Variants in PDE7B observed in about 807,000 individuals in gnomAD.
PDE7B encodes the protein phosphodiesterase 7B.
Under a neutral mutation model 56.2 loss-of-function variants are expected in PDE7B, and 29 were observed. That is an observed-to-expected ratio of 0.52 (90% confidence interval 0.38 to 0.70). The LOEUF (loss-of-function observed/expected upper bound fraction) is 0.70. Among genes scored for constraint, PDE7B ranks in the 30% least tolerant of loss-of-function variants. The pLI is 0.00. For missense variants in PDE7B, 490 were observed against 565.0 expected (o/e 0.87, Z 1.35); for synonymous variants, 197 against 196.9 (o/e 1.00, Z 0.00).
chr6:136,100,715 CAG>C (rs1188376423), intron 2 of PDE7B, among the ~76,000 whole-genome samples: 4 of 152,318 alleles, frequency 2.6e-5, no homozygotes, highest in African/African-American at 9.6e-5. Flanking sequence ...CATCTGCAAA[CAG>C]AGACAATTTG....
chr6:136,131,309 A>C (rs918523699), intron 3 of PDE7B, among the ~76,000 whole-genome samples: 1 of 152,086 alleles, frequency 6.6e-6, no homozygotes, highest in African/African-American at 2.4e-5. Context: ...TGTTTTCTAG[A>C]GGGAAGGTAA....
intron 2 of PDE7B, among the ~76,000 whole-genome samples, chr6:136,067,598 ACTT>A (rs1776967381): frequency 2.0e-5 from 3 of 152,192 alleles, no homozygotes; most frequent in African/African-American, 2.4e-5. Context: ...AAAGTGTTTG[ACTT>A]CTTCTTTTTA....
At chr6:136,140,381 G>T (rs1301659917) in intron 3 of PDE7B, among the ~76,000 whole-genome samples, 22 of 152,168 alleles carry the variant, frequency 1.4e-4, no homozygotes, top group Non-Finnish European at 1.5e-5. Context: ...TAGCCTTGCA[G>T]TATAGTTTGA....
At chr6:136,142,780 CTTTT>C (rs1221199936) in intron 3 of PDE7B, among the ~76,000 whole-genome samples, 1 of 151,868 alleles carries the variant, frequency 6.6e-6, no homozygotes, top group Non-Finnish European at 1.5e-5. Context: ...CAACCCCTGC[CTTTT>C]TTTGTTTTCC....
chr6:136,044,584 A>C (rs916228170), intron 2 of PDE7B: 4 of 152,228 alleles, frequency 2.6e-5, no homozygotes, highest in Non-Finnish European at 5.9e-5. Context: ...CTATTAAAAA[A>C]GGTATAAGTG....
chr6:136,113,007 T>C (rs1777772903), intron 3 of PDE7B, among the ~76,000 whole-genome samples: 2 of 152,168 alleles, frequency 1.3e-5, no homozygotes, highest in South Asian at 4.1e-4. Context: ...ACTGCTTATA[T>C]AGGTTTTCCC....
intron 2 of PDE7B, among the ~76,000 whole-genome samples, chr6:136,023,016 T>C (rs1241333026): frequency 6.6e-6 from 1 of 151,998 alleles, no homozygotes. Context: ...ACCAGCTCAC[T>C]CTTCCATTTT....
chr6:136,009,797 C>T (rs1008957542), intron 2 of PDE7B, among the ~76,000 whole-genome samples: 20 of 152,196 alleles, frequency 1.3e-4, no homozygotes, highest in Non-Finnish European at 2.1e-4. Context: ...AATTTGACTT[C>T]TTCTTTTCCT....
intron 1 of PDE7B, among the ~76,000 whole-genome samples, chr6:135,893,112 C>A (rs1775837905): frequency 6.6e-6 from 1 of 151,966 alleles, no homozygotes; most frequent in South Asian, 2.1e-4. Context: ...TACATGTGCA[C>A]AACGTGCAGG....
chr6:135,882,795 C>T lies in PDE7B; in HGVS notation c.21+30776C>T, dbSNP rs112653194. On this transcript the variant is annotated intron_variant, in intron 1 of 12. Transcript: ENST00000308191. Reference sequence around the variant, plus strand: ...TGTTATGCTGAGAATAACAGATTGTCTTCCCCTATTTGAACACTTTCAATG... The same window carrying T: ...TGTTATGCTGAGAATAACAGATTGTTTTCCCCTATTTGAACACTTTCAATG... Among the ~76,000 whole-genome samples, 1,009 of 152,260 alleles carry T rather than the reference C, an allele frequency of 6.6e-3. 9 individuals carry two copies. Among genetic ancestry groups the T allele is most frequent in the African/African-American group, 0.023 (951 of 41,552 alleles).
intron 5 of PDE7B, among the ~76,000 whole-genome samples, chr6:136,150,811 C>T (rs191893496): frequency 2.4e-4 from 36 of 152,092 alleles, no homozygotes; most frequent in African/African-American, 7.0e-4. Context: ...AGGAACATTT[C>T]AAGTGGCCAT....
intron 8 of PDE7B, among the ~76,000 whole-genome samples, chr6:136,158,939 A>G (rs1778659012): frequency 6.6e-6 from 1 of 152,224 alleles, no homozygotes; most frequent in African/African-American, 2.4e-5. Context: ...ATAAATTGTA[A>G]AGGAATAACT....
chr6:135,860,601 G>A (rs536863294), intron 1 of PDE7B, among the ~76,000 whole-genome samples: 1 of 151,940 alleles, frequency 6.6e-6, no homozygotes, highest in Non-Finnish European at 1.5e-5. Context: ...ATCTCTCTAG[G>A]CCTCGCTCTG....
intron 3 of PDE7B, chr6:136,116,947 A>C (rs537696189): frequency 1.3e-5 from 2 of 152,358 alleles, no homozygotes; most frequent in South Asian, 4.1e-4. Context: ...GAGAAACTCT[A>C]AATTTTTCTC....
At chr6:135,914,078 G>A (rs1167086072) in intron 1 of PDE7B, among the ~76,000 whole-genome samples, 2 of 152,180 alleles carry the variant, frequency 1.3e-5, no homozygotes, top group African/African-American at 2.4e-5. Flanking sequence ...CTTATTGTCT[G>A]TGGCTTTAAG....
chr6:135,945,883 A>G (rs1774588676), intron 1 of PDE7B, among the ~76,000 whole-genome samples: 1 of 152,164 alleles, frequency 6.6e-6, no homozygotes, highest in Non-Finnish European at 1.5e-5. Context: ...TTTTATATTC[A>G]GAGTTGTGAA....
intron 2 of PDE7B, among the ~76,000 whole-genome samples, chr6:136,005,443 A>G (rs1275855422): frequency 1.3e-5 from 2 of 152,134 alleles, no homozygotes; most frequent in South Asian, 4.2e-4. Context: ...GAAAATTTTC[A>G]CAACCTACTC....
chr6:136,102,779 T>C (rs1024984570), intron 2 of PDE7B, among the ~76,000 whole-genome samples: 1 of 152,194 alleles, frequency 6.6e-6, no homozygotes, highest in East Asian at 1.9e-4. Context: ...TTGACACTAG[T>C]CTAAAACCTG....
intron 2 of PDE7B, among the ~76,000 whole-genome samples, chr6:136,048,249 C>CGTG (rs1776554878): frequency 6.6e-6 from 1 of 152,012 alleles, no homozygotes; most frequent in South Asian, 2.1e-4. Context: ...ATGGGCTGGG[C>CGTG]GCGGTGGCTC....
Sources: gnomAD v4.1 joint callset for allele counts (sites outside exome capture counted in the v4.1 genomes callset) on GRCh38, gnomAD v4.1.1 for gene constraint, MANE v1.5 for transcripts, NCBI Gene and HGNC (gene_info 2026-07-23, HGNC 2026-07-21) for gene names.